The following GNG7 variants were observed in gnomAD, a reference collection of about 807,000 sequenced individuals.
GNG7 encodes G protein subunit gamma 7.
GNG7 carries 1 observed loss-of-function variant against 4.0 expected under a neutral mutation model. The ratio of observed to expected loss-of-function variants is 0.25; its 90% CI spans 0.09 to 1.18. The LOEUF (loss-of-function observed/expected upper bound fraction) is 1.18, where lower values mean the gene tolerates loss of function less well. GNG7 is among the 50% of genes most tolerant of loss of function. GNG7 has a pLI of 0.50. For synonymous variants in GNG7, 34 were observed against 36.9 expected (o/e 0.92, Z 0.29); for missense variants, 86 against 91.9 (o/e 0.94, Z 0.26).
chr19:2,626,080 G>T lies in GNG7; in HGVS notation c.-78+20144C>A, dbSNP rs150212685. On this transcript the variant is annotated intron_variant, in intron 2 of 4. Coordinates refer to ENST00000382159, the MANE Select transcript of GNG7 (RefSeq NM_052847.3). This position sits in a 1 kb window ranked among gnomAD's most constrained non-coding sequence, Gnocchi z 5.0. ...TGGGATGACAGGCGTGAGCCATGGC[G>T]CCCGGCCTGATTATTTCATTTACTC... Among the ~76,000 whole-genome samples, 16 of 152,126 alleles carry T rather than the reference G, an allele frequency of 1.1e-4. No homozygotes were observed. The highest frequency in any genetic ancestry group is 2.1e-4 in the Non-Finnish European group (14 of 68,000).
intron 1 of GNG7, among the ~76,000 whole-genome samples, chr19:2,684,293 C>G (rs934166845): frequency 6.6e-6 from 1 of 151,828 alleles, no homozygotes; most frequent in Non-Finnish European, 1.5e-5. Context: ...TCCGCCACCA[C>G]GCCCGGATAA....
At chr19:2,644,720 C>T (rs1282007945) in intron 2 of GNG7, among the ~76,000 whole-genome samples, 1 of 152,106 alleles carries the variant, frequency 6.6e-6, no homozygotes, top group Non-Finnish European at 1.5e-5. Context: ...GGATCACATG[C>T]TGTGTGGCCT....
At chr19:2,593,774 C>T (rs1489130217) in intron 2 of GNG7, among the ~76,000 whole-genome samples, 4 of 135,678 alleles carry the variant, frequency 2.9e-5, no homozygotes, top group Non-Finnish European at 6.2e-5. Context: ...ATACTTTTCC[C>T]GGGGTAGCAC....
intron 2 of GNG7, among the ~76,000 whole-genome samples, chr19:2,586,933 A>G (rs908348779): frequency 6.9e-6 from 1 of 145,936 alleles, no homozygotes; most frequent in African/African-American, 2.6e-5. Context: ...TGCAGTGAGC[A>G]GAGATTGTGC....
chr19:2,619,722 C>T (rs1272095033), intron 2 of GNG7, among the ~76,000 whole-genome samples: 2 of 151,998 alleles, frequency 1.3e-5, no homozygotes, highest in African/African-American at 4.8e-5. Flanking sequence ...ACAGGCCCAT[C>T]CATGGGGACA....
chr19:2,558,209 C>T (rs1979626096), intron 2 of GNG7, among the ~76,000 whole-genome samples: 1 of 151,290 alleles, frequency 6.6e-6, no homozygotes. Flanking sequence ...TTTCATCATC[C>T]TTGCCACAGA....
chr19:2,512,734 A>C lies in GNG7; in HGVS notation c.*2288T>G. On this transcript the variant is annotated 3_prime_UTR_variant, in exon 5 of 5. Coordinates refer to ENST00000382159, the MANE Select transcript of GNG7 (RefSeq NM_052847.3). This position sits in a 1 kb window ranked among gnomAD's most constrained non-coding sequence, Gnocchi z 4.7. ...CTGCCCTGGCAGCGGGGGCTCGGGG[A>C]TTAAGGCCTCTTTTAAGGAAAAACG... 2 of 236,390 alleles carry C rather than the reference A, an allele frequency of 8.5e-6. No individual in the cohort carries two copies. Among genetic ancestry groups the C allele is most frequent in the Non-Finnish European group, 1.4e-5 (2 of 145,270 alleles). 14.6% of individuals were successfully genotyped at this position (236,390 alleles called of 1,614,324 possible).
At chr19:2,631,306 T>C (rs1377387185) in intron 2 of GNG7, among the ~76,000 whole-genome samples, 2 of 152,232 alleles carry the variant, frequency 1.3e-5, no homozygotes. Context: ...TGTCACCTCA[T>C]GAAGCCACTT....
At chr19:2,683,533 T>A (rs1248543731) in intron 1 of GNG7, 1 of 152,164 alleles carries the variant, frequency 6.6e-6, no homozygotes, top group Non-Finnish European at 1.5e-5. Context: ...ACAAAAACGA[T>A]GCTCAGGCCA....
chr19:2,642,907 T>C lies in GNG7; in HGVS notation c.-78+3317A>G, dbSNP rs1186853595. The C allele has an allele frequency of 1.3e-5, 6 of 454,248 alleles. No homozygotes were observed. The East Asian group carries it at 4.3e-4, about 32-fold the overall frequency. 28.1% of individuals were successfully genotyped at this position (454,248 alleles called of 1,614,324 possible). A position where few individuals can be genotyped will look rare whatever the true frequency, so the allele number is the denominator to read the frequency against. Reference sequence around the variant, plus strand: ...CTGCACACCTTCCCGCCCTGCACCATGTGCACCGGAAATGCAGGAGACCTC... The same window carrying C: ...CTGCACACCTTCCCGCCCTGCACCACGTGCACCGGAAATGCAGGAGACCTC... On this transcript the variant is annotated intron_variant, in intron 2 of 4. Coordinates refer to ENST00000382159, the MANE Select transcript of GNG7 (RefSeq NM_052847.3).
rs938437800 is a variant in GNG7 at position 2,690,604 on chromosome 19, T to C, written c.-135+12042A>G. 5.3e-5 allele frequency among the ~76,000 whole-genome samples: 8 copies of C among 152,126 alleles called. No individual in the cohort carries two copies. In the South Asian group the frequency reaches 6.2e-4, roughly 12 times the overall value. ...CCTGTTGGCTCAGGTCTTTTTTTTT[T>C]TCTTCTTGAGACAGGGTCTTGCTCT... is the stretch of plus-strand genomic sequence containing the variant. On this transcript the variant is annotated intron_variant, in intron 1 of 4. Coordinates refer to ENST00000382159, the MANE Select transcript of GNG7 (RefSeq NM_052847.3).
chr19:2,603,211 T>C (rs1035681645), intron 2 of GNG7, among the ~76,000 whole-genome samples: 4 of 152,076 alleles, frequency 2.6e-5, no homozygotes, highest in East Asian at 1.9e-4. Context: ...GGATTACAGG[T>C]GCGCACCACC....
intron 1 of GNG7, among the ~76,000 whole-genome samples, chr19:2,675,427 A>T (rs1480503184): frequency 6.6e-6 from 1 of 152,168 alleles, no homozygotes; most frequent in Non-Finnish European, 1.5e-5. Context: ...AACCACGAAG[A>T]CCAGGAAATG....
chr19:2,570,538 A>G (rs886822611), intron 2 of GNG7, among the ~76,000 whole-genome samples: 12 of 152,108 alleles, frequency 7.9e-5, no homozygotes, highest in Non-Finnish European at 1.8e-4. Flanking sequence ...TAAAATGGGC[A>G]TCTCCACACC....
chr19:2,698,330 G>A lies in GNG7; in HGVS notation c.-135+4316C>T, dbSNP rs1258571666. 5.9e-5 allele frequency among the ~76,000 whole-genome samples: 9 copies of A among 151,966 alleles called. No homozygotes were observed. In the East Asian group the frequency reaches 7.7e-4, roughly 13 times the overall value. On this transcript the variant is annotated intron_variant, in intron 1 of 4. Coordinates refer to ENST00000382159, the MANE Select transcript of GNG7 (RefSeq NM_052847.3). The stretch of plus-strand genomic sequence containing the variant: ...TGTAATCCCAACACTTTGGGAGGCC[G>A]AGGTAGGTGGATCACCTGAGGTCAG...
intron 3 of GNG7, among the ~76,000 whole-genome samples, chr19:2,531,273 C>G (rs926857616): frequency 4.6e-5 from 6 of 131,558 alleles, no homozygotes; most frequent in African/African-American, 1.8e-4. Flanking sequence ...CACTGTATTC[C>G]AGCTTTGGCA....
chr19:2,582,964 C>A (rs912554991), intron 2 of GNG7, among the ~76,000 whole-genome samples: 2 of 152,050 alleles, frequency 1.3e-5, no homozygotes, highest in African/African-American at 4.8e-5. Flanking sequence ...CCACTGTGCC[C>A]AGCCAAATTG....
At position 2,555,166 on chromosome 19, in the gene GNG7, G is replaced by A. The variant is rs990124716; in HGVS notation, c.-55C>T. The A allele has an allele frequency of 6.6e-6, 1 of 152,106 alleles. No individual in the cohort carries two copies. Among genetic ancestry groups the A allele is most frequent in the African/African-American group, 2.4e-5 (1 of 41,426 alleles). The allele number at this position is 152,106 out of a possible 1,614,324, so 9.4% of individuals were successfully genotyped here. A position where few individuals can be genotyped will look rare whatever the true frequency, so the allele number is the denominator to read the frequency against. ...CCACATACCTTTTTTAGTTTTCCCA[G>A]GAATCACAGCTTGCTGTACACCCTG... is the stretch of plus-strand genomic sequence containing the variant. On this transcript the variant is annotated 5_prime_UTR_variant, in exon 3 of 5. Transcript: ENST00000382159.
chr19:2,635,205 G>GCAGGTGGGTGCAGGTGGGCA lies in GNG7; in HGVS notation c.-78+10999_-78+11018dup, dbSNP rs1336674730. On this transcript the variant is annotated intron_variant, in intron 2 of 4. Transcript: ENST00000382159. ...GCCCCAGATGAGTGAGGACAGAGGT[G>GCAGGTGGGTGCAGGTGGGCA]CAGGTGGGTGCAGGTGGGCACAGGT... is the stretch of plus-strand genomic sequence containing the variant. 7.4e-5 allele frequency among the ~76,000 whole-genome samples: 11 copies of GCAGGTGGGTGCAGGTGGGCA among 148,050 alleles called. No individual in the cohort carries two copies. In the East Asian group the frequency reaches 2.1e-3, roughly 29 times the overall value.
Sources: allele counts gnomAD v4.1 joint callset (sites outside exome capture counted in the v4.1 genomes callset), GRCh38; gene constraint gnomAD v4.1.1; non-coding constraint Gnocchi (gnomAD v3.1); transcripts MANE v1.5; gene names NCBI Gene and HGNC (gene_info 2026-07-23, HGNC 2026-07-21).